The following C1QTNF4 variants were observed in gnomAD, a reference collection of about 807,000 sequenced individuals.
C1QTNF4 encodes the protein complement C1q tumor necrosis factor-related protein 4.
C1QTNF4 carries 12 observed loss-of-function variants against 14.6 expected under a neutral mutation model. The ratio of observed to expected loss-of-function variants is 0.82; its 90% CI spans 0.53 to 1.33. C1QTNF4 has a LOEUF of 1.33. Ranked by LOEUF, C1QTNF4 falls within the 40% of genes most tolerant of loss-of-function variation. The pLI is 0.00. For missense variants in C1QTNF4, 558 were observed against 500.3 expected, an observed-to-expected ratio of 1.12 and a Z score of -1.10; for synonymous variants, 278 against 246.6, an observed-to-expected ratio of 1.13 and a Z score of -1.19.
chr11:47,590,340 G>C lies in C1QTNF4; in HGVS notation c.471C>G (p.Tyr157Ter). Residue 157 changes from tyrosine (Y) to a stop codon, truncating the protein, a stop_gained, in exon 2 of 2, where the codon TAC becomes TAG. Coordinates refer to ENST00000302514, the MANE Select transcript of C1QTNF4 (RefSeq NM_031909.3). LOFTEE classifies it high-confidence loss of function. ...PGATFSGYLV[Y>*]ADADADAPAR... ...CAGGCGCGTCAGCGTCGGCGTCGGC[G>C]TAGACTAGGTAGCCGCTGAAGGTGG... The C allele has an allele frequency of 1.5e-6, 2 of 1,342,746 alleles. No individual in the cohort carries two copies. Among genetic ancestry groups the C allele is most frequent in the African/African-American group, 1.6e-5 (1 of 63,652 alleles). The allele number at this position is 1,342,746 out of a possible 1,614,324, so 83.2% of individuals were successfully genotyped here.
chr11:47,590,665 G>A lies in C1QTNF4; in HGVS notation c.146C>T (p.Thr49Ile), dbSNP rs1174922942. The change falls in exon 2 of 2, where the codon ACC (threonine) becomes ATC (isoleucine). Residue 49 changes from threonine to isoleucine, a missense_variant. By Grantham distance (89) the Thr-to-Ile change is moderately conservative. Coordinates refer to ENST00000302514, the MANE Select transcript of C1QTNF4 (RefSeq NM_031909.3). ...GATGTTCACGTACACCTTGTCGAAG[G>A]TCACCGCCATCTCCGACGTGCCCTC... ...PLEGTSEMAVTFDKVYVNIGG... is the reference protein window; with the variant it reads ...PLEGTSEMAVIFDKVYVNIGG... 9 of 1,611,652 alleles carry A rather than the reference G, an allele frequency of 5.6e-6. No individual in the cohort carries two copies. The highest frequency in any genetic ancestry group is 5.9e-6 in the Non-Finnish European group (7 of 1,179,470).
chr11:47,590,751 G>A lies in C1QTNF4; in HGVS notation c.60C>T (p.Thr20=), dbSNP rs746379807. The change falls in exon 2 of 2, where the codon ACC becomes ACT. Residue 20 remains threonine, a synonymous_variant. Coordinates refer to ENST00000302514, the MANE Select transcript of C1QTNF4 (RefSeq NM_031909.3). ...GCAGCTCAGAGGATCCCGGGCCGGG[G>A]GTCGGGCCCAGGGCCCAGCAGGCCG... ...GPAACWALGP[T]PGPGSSELRS... 5.6e-6 allele frequency: 9 copies of A among 1,596,492 alleles called. No individual in the cohort carries two copies. In the African/African-American group the frequency reaches 1.1e-4, roughly 19 times the overall value.
At chr11:47,593,019 A>G (rs916709112) in intron 1 of C1QTNF4, among the ~76,000 whole-genome samples, 15 of 152,208 alleles carry the variant, frequency 9.9e-5, no homozygotes. Flanking sequence ...AGTGGTGAAG[A>G]TGGCACCTCA....
chr11:47,592,101 A>T (rs1228113061), intron 1 of C1QTNF4, among the ~76,000 whole-genome samples: 1 of 151,888 alleles, frequency 6.6e-6, no homozygotes, highest in Non-Finnish European at 1.5e-5. Flanking sequence ...AGAGAAGGTG[A>T]CTCCTTTCTC....
At chr11:47,590,949 A>C in intron 1 of C1QTNF4, 134 bp from the exon 2 acceptor site, 4 of 1,361,906 alleles carry the variant, frequency 2.9e-6, no homozygotes, top group Non-Finnish European at 3.8e-6. Flanking sequence ...ATTTTCCTAC[A>C]TCCTTGGATT....
chr11:47,590,193 C>A lies in C1QTNF4; in HGVS notation c.618G>T (p.Glu206Asp). The change falls in exon 2 of 2, where the codon GAG becomes GAT. Residue 206 changes from glutamate to aspartate, a missense_variant. Glu to Asp is a conservative substitution (Grantham distance 45). Transcript: ENST00000302514. ...CGAAGTCGCCGCCAATGTTGACGAA[C>A]TCGGTGTCGAAGGCGAGTGGTTGGT... is the stretch of plus-strand genomic sequence containing the variant. Reference protein sequence around the residue: ...PRHQPLAFDTEFVNIGGDFDA... With the variant: ...PRHQPLAFDTDFVNIGGDFDA... The A allele has an allele frequency of 6.3e-7, 1 of 1,591,516 alleles. No individual in the cohort carries two copies. The highest frequency in any genetic ancestry group is 8.5e-7 in the Non-Finnish European group (1 of 1,171,934).
rs373404571 is a variant in C1QTNF4, at chr11:47,589,860, G to A, written c.951C>T (p.Pro317=). The A allele has an allele frequency of 1.7e-4, 262 of 1,549,890 alleles. No individual in the cohort carries two copies. In the African/African-American group the frequency reaches 3.3e-3, roughly 20 times the overall value. Residue 317 remains proline (P), a synonymous_variant, in exon 2 of 2, where the codon CCC becomes CCT. Coordinates refer to ENST00000302514, the MANE Select transcript of C1QTNF4 (RefSeq NM_031909.3). The part of the protein sequence containing the change: ...SGFLVYPDLA[P]AAPPGLGASE... Reference sequence around the variant, plus strand: ...AGGCCCCGAGGCCCGGCGGGGCGGCGGGGGCGAGGTCGGGGTACACCAGGA... The same window carrying A: ...AGGCCCCGAGGCCCGGCGGGGCGGCAGGGGCGAGGTCGGGGTACACCAGGA...
In C1QTNF4 at chr11:47,590,683, G is replaced by A. The variant is rs1472961810; in HGVS notation, c.128C>T (p.Thr43Met). Residue 43 changes from threonine to methionine, a missense_variant, in exon 2 of 2, where the codon ACG becomes ATG. Physicochemically the swap from Thr to Met is moderately conservative, Grantham distance 81. Coordinates refer to ENST00000302514, the MANE Select transcript of C1QTNF4 (RefSeq NM_031909.3). The part of the protein sequence containing the change: ...SAARTTPLEG[T>M]SEMAVTFDKV... ...GTCGAAGGTCACCGCCATCTCCGAC[G>A]TGCCCTCCAGGGGGGTGGTGCGTGC... 3 of 1,611,384 alleles carry A rather than the reference G, an allele frequency of 1.9e-6. No homozygotes were observed. The highest frequency in any genetic ancestry group is 2.2e-5 in the East Asian group (1 of 44,806).
chr11:47,590,232 G>GCCAGCGTCCGAGC lies in C1QTNF4; in HGVS notation c.566_578dup (p.Pro194LeufsTer52), dbSNP rs2097274539. The GCCAGCGTCCGAGC allele has an allele frequency of 1.3e-6, 2 of 1,520,218 alleles. No homozygotes were observed. The highest frequency in any genetic ancestry group is 8.8e-7 in the Non-Finnish European group (1 of 1,141,714). 94.2% of individuals were successfully genotyped at this position (1,520,218 alleles called of 1,614,324 possible). A position where few individuals can be genotyped will look rare whatever the true frequency, so the allele number is the denominator to read the frequency against. On this transcript the variant is annotated frameshift_variant, in exon 2 of 2. Coordinates refer to ENST00000302514, the MANE Select transcript of C1QTNF4 (RefSeq NM_031909.3). LOFTEE classifies it high-confidence loss of function. ...CGAGTGGTTGGTGCCGCGGCCCGGG[G>GCCAGCGTCCGAGC]CCAGCGTCCGAGCCCACCAAGCTGC...
chr11:47,591,590 A>G (rs556396462), intron 1 of C1QTNF4, among the ~76,000 whole-genome samples: 23 of 149,818 alleles, frequency 1.5e-4, no homozygotes, highest in Non-Finnish European at 2.4e-4. Context: ...GGGTTTCACC[A>G]TGTTGGCCAG....
chr11:47,594,483 CTCCG>C (rs2097277196), upstream of C1QTNF4: 1 of 152,460 alleles, frequency 6.6e-6, no homozygotes, highest in Admixed American at 6.5e-5. Flanking sequence ...GGCCTAGGGG[CTCCG>C]CACGGAGTCT....
At position 47,590,535 on chromosome 11, in the gene C1QTNF4, C is replaced by T. The variant is rs2097274862; in HGVS notation, c.276G>A (p.Val92=). 1.9e-6 allele frequency: 3 copies of T among 1,595,556 alleles called. No homozygotes were observed. In the African/African-American group the frequency reaches 4.1e-5, roughly 22 times the overall value. ...AGKAPHKSLS[V]MLVRNRDEVQ... is the part of the protein sequence containing the mutation. ...CCTCGTCGCGGTTTCGCACCAGCAT[C>T]ACCGACAGGCTCTTGTGCGGGGCCT... Residue 92 remains valine, a synonymous_variant, in exon 2 of 2, where the codon GTG becomes GTA. Transcript: ENST00000302514.
At chr11:47,595,039 G>A (rs1047483155), upstream of C1QTNF4, among the ~76,000 whole-genome samples, 7 of 152,028 alleles carry the variant, frequency 4.6e-5, no homozygotes, top group African/African-American at 1.7e-4. Flanking sequence ...GATTGAGAGG[G>A]CAATAGGTGG....
At chr11:47,595,154 G>A (rs1441737737), upstream of C1QTNF4, among the ~76,000 whole-genome samples, 2 of 152,208 alleles carry the variant, frequency 1.3e-5, no homozygotes, top group Non-Finnish European at 2.9e-5. Context: ...TCTTCCCATG[G>A]TAATACTCAC....
Sources: allele counts gnomAD v4.1 joint callset (sites outside exome capture counted in the v4.1 genomes callset), GRCh38; gene constraint gnomAD v4.1.1; transcripts MANE v1.5; gene names NCBI Gene and HGNC (gene_info 2026-07-23, HGNC 2026-07-21).